The following EHD4 variants were observed in gnomAD, a reference collection of about 807,000 sequenced individuals.
EHD4 encodes EH domain-containing protein 4.
Under a neutral mutation model 51.0 loss-of-function variants are expected in EHD4, and 37 were observed. That is an observed-to-expected ratio of 0.73 (90% CI 0.56 to 0.95). The LOEUF (loss-of-function observed/expected upper bound fraction) is 0.95. Among genes scored for constraint, EHD4 ranks in the 40% least tolerant of loss-of-function variants. The pLI is 0.00. For missense variants in EHD4, 632 were observed against 733.1 expected (o/e 0.86, Z 1.59); for synonymous variants, 297 against 317.3 (o/e 0.94, Z 0.68).
At position 41,896,134 on chromosome 15, in the gene EHD4, CA is replaced by C. The variant is rs2067437145; in HGVS notation, c.*4510del. ...TATAAAGGGAATGCATTGGCCCACA[CA>C]GTGGAAAAAAATATCTAGTAGGAAT... On this transcript the variant is annotated 3_prime_UTR_variant, in exon 6 of 6. Transcript: ENST00000220325. 6.6e-6 allele frequency: 1 copy of C among 152,080 alleles called. No homozygotes were observed. Among genetic ancestry groups the C allele is most frequent in the South Asian group, 2.1e-4 (1 of 4,824 alleles). 9.4% of individuals were successfully genotyped at this position (152,080 alleles called of 1,614,324 possible). A position where few individuals can be genotyped will look rare whatever the true frequency, so the allele number is the denominator to read the frequency against.
At chr15:41,907,227 A>G (rs1236721497) in intron 5 of EHD4, among the ~76,000 whole-genome samples, 1 of 152,238 alleles carries the variant, frequency 6.6e-6, no homozygotes, top group African/African-American at 2.4e-5. Flanking sequence ...AGAGGCCCCA[A>G]CTGGGCCACA....
intron 2 of EHD4, among the ~76,000 whole-genome samples, chr15:41,951,684 A>C (rs988305579): frequency 1.3e-5 from 2 of 152,220 alleles, no homozygotes; most frequent in African/African-American, 2.4e-5. Context: ...AGCCTTCCAC[A>C]GAGACAGATC....
chr15:41,943,310 AGTT>A (rs971551278), intron 2 of EHD4, 146 bp from the exon 3 acceptor site: 3 of 605,888 alleles, frequency 5.0e-6, no homozygotes, highest in Non-Finnish European at 8.6e-6. Context: ...TGCCTAATGA[AGTT>A]GTTTGTGAAG....
intron 1 of EHD4, among the ~76,000 whole-genome samples, chr15:41,968,381 T>C (rs1216337084): frequency 1.3e-5 from 2 of 152,138 alleles, no homozygotes; most frequent in African/African-American, 2.4e-5. Flanking sequence ...AACATGTTTA[T>C]ACATTGACAA....
chr15:41,948,255 A>C (rs923125401), intron 2 of EHD4, among the ~76,000 whole-genome samples: 1 of 151,326 alleles, frequency 6.6e-6, no homozygotes. Flanking sequence ...TCCGCCTCCA[A>C]AAAAAAAACC....
intron 4 of EHD4, among the ~76,000 whole-genome samples, chr15:41,917,309 C>T (rs763372140): frequency 2.8e-4 from 43 of 152,020 alleles, no homozygotes; most frequent in Non-Finnish European, 5.4e-4. Flanking sequence ...TTAGTAGAGA[C>T]GGGGTTTCAA....
At chr15:41,905,992 G>A (rs1442111798) in intron 5 of EHD4, among the ~76,000 whole-genome samples, 2 of 152,166 alleles carry the variant, frequency 1.3e-5, no homozygotes, top group African/African-American at 2.4e-5. Context: ...ATTTTTTTGT[G>A]TTGATTTATT....
intron 3 of EHD4, among the ~76,000 whole-genome samples, chr15:41,932,075 A>G (rs1001113702): frequency 6.6e-6 from 1 of 152,178 alleles, no homozygotes; most frequent in Non-Finnish European, 1.5e-5. Flanking sequence ...CGTACATGCT[A>G]AACTGTGTAA....
At chr15:41,954,008 G>A (rs2067870334) in intron 1 of EHD4, 68 bp from the exon 2 acceptor site, 2 of 1,532,690 alleles carry the variant, frequency 1.3e-6, no homozygotes, top group South Asian at 1.2e-5. Context: ...AAAGCTGCCT[G>A]GGATTACCAA....
chr15:41,951,269 C>A (rs577103151), intron 2 of EHD4, among the ~76,000 whole-genome samples: 1 of 152,298 alleles, frequency 6.6e-6, no homozygotes, highest in East Asian at 1.9e-4. Context: ...CAGAATCTGA[C>A]ACATAAATGC....
chr15:41,937,624 T>C (rs1449670889), intron 3 of EHD4, among the ~76,000 whole-genome samples: 1 of 152,240 alleles, frequency 6.6e-6, no homozygotes, highest in Admixed American at 6.5e-5. Context: ...AAATCCTTCT[T>C]GTTACCAAAG....
In EHD4 at chr15:41,923,179, G is replaced by A. The variant is rs778296395; in HGVS notation, c.512-3557C>T. Among the ~76,000 whole-genome samples, 131 of 152,060 alleles carry A rather than the reference G, an allele frequency of 8.6e-4. 1 individual carries two copies. The highest frequency in any genetic ancestry group is 3.1e-3 in the African/African-American group (128 of 41,400). ...TCCCCTCCTCTCTCTAGCCCCTGGC[G>A]ACCACCATTCTACTTTTTGTCTCTA... On this transcript the variant is annotated intron_variant, in intron 3 of 5. Transcript: ENST00000220325.
rs147806703 is a variant in EHD4, at chr15:41,910,596, A to C, written c.925-733T>G. On this transcript the variant is annotated intron_variant, in intron 4 of 5. Transcript: ENST00000220325. Reference sequence around the variant, plus strand: ...TGTATATATATATTTTTGAGATGGAATCTCGCTCTGTTGCCCAGGCTGGAG... The same window carrying C: ...TGTATATATATATTTTTGAGATGGACTCTCGCTCTGTTGCCCAGGCTGGAG... Among the ~76,000 whole-genome samples the C allele has an allele frequency of 4.8e-3, 725 of 152,242 alleles. 5 individuals carry two copies. The highest frequency in any genetic ancestry group is 8.2e-3 in the Non-Finnish European group (557 of 68,010).
chr15:41,956,876 T>C (rs1466699774), intron 1 of EHD4, among the ~76,000 whole-genome samples: 2 of 152,202 alleles, frequency 1.3e-5, no homozygotes, highest in African/African-American at 2.4e-5. Flanking sequence ...ATCAAAGAAA[T>C]ACCAGTAAAG....
rs946169056 is a variant in EHD4 at position 41,925,430 on chromosome 15, A to G, written c.512-5808T>C. 3.3e-5 allele frequency among the ~76,000 whole-genome samples: 5 copies of G among 152,242 alleles called. 1 individual carries two copies. In the South Asian group the frequency reaches 1.0e-3, roughly 32 times the overall value. The stretch of plus-strand genomic sequence containing the variant: ...CTCCAAGTTTGTGAGAACTGGTTTC[A>G]GCTAGGCACAATGCAACGTGGCCTG... On this transcript the variant is annotated intron_variant, in intron 3 of 5. Transcript: ENST00000220325.
chr15:41,971,569 C>A (rs1397528043), intron 1 of EHD4, among the ~76,000 whole-genome samples: 1 of 152,174 alleles, frequency 6.6e-6, no homozygotes. Context: ...TTTCAGTTGT[C>A]AAGGGTAAGC....
chr15:41,961,644 GTT>G, intron 1 of EHD4, among the ~76,000 whole-genome samples: 1 of 152,180 alleles, frequency 6.6e-6, no homozygotes, highest in South Asian at 2.1e-4. Context: ...TATCCATTTT[GTT>G]TTTTTCTCCA....
At chr15:41,953,550 T>G (rs949059307) in intron 2 of EHD4, among the ~76,000 whole-genome samples, 1 of 152,158 alleles carries the variant, frequency 6.6e-6, no homozygotes, top group African/African-American at 2.4e-5. Flanking sequence ...GTTCTGGGCC[T>G]TAGCTCTGCC....
chr15:41,925,074 A>G (rs1288328998), intron 3 of EHD4, among the ~76,000 whole-genome samples: 1 of 143,626 alleles, frequency 7.0e-6, no homozygotes. Context: ...AAAAAAAAAA[A>G]GGTGCATTTA....
Sources: allele counts gnomAD v4.1 joint callset (sites outside exome capture counted in the v4.1 genomes callset), GRCh38; gene constraint gnomAD v4.1.1; transcripts MANE v1.5; gene names NCBI Gene and HGNC (gene_info 2026-07-23, HGNC 2026-07-21).